The following FOXP1 variants were observed in gnomAD, a reference collection of about 807,000 sequenced individuals.
FOXP1 encodes forkhead box protein P1.
In FOXP1, 15 loss-of-function variants were observed where a neutral mutation model predicts 98.2. The observed-to-expected ratio is 0.15, with a 90% CI of 0.10 to 0.24. FOXP1 has a LOEUF of 0.24. FOXP1 is among the 10% of genes least tolerant of loss of function. The pLI is 1.00. For synonymous variants in FOXP1, 371 were observed against 314.5 expected, an observed-to-expected ratio of 1.18 and a Z score of -1.90; for missense variants, 633 against 848.5, an observed-to-expected ratio of 0.75 and a Z score of 3.15.
At chr3:71,302,223 C>A (rs2073905450) in intron 4 of FOXP1, among the ~76,000 whole-genome samples, 1 of 152,038 alleles carries the variant, frequency 6.6e-6, no homozygotes, top group Non-Finnish European at 1.5e-5. Flanking sequence ...CAGCTGTTTG[C>A]CATCATGCTA....
Position 71,123,635 on chromosome 3 carries a change from C to T in FOXP1, c.181-10998G>A, listed in dbSNP as rs568050088. On this transcript the variant is annotated intron_variant, in intron 6 of 20. Coordinates refer to ENST00000649528, the MANE Select transcript of FOXP1 (RefSeq NM_001349338.3). ...AATGCCTCTGGACACCTGTATCTTA[C>T]ACTTCACCTCCATCTAAGTGAGATC... Among the ~76,000 whole-genome samples, 183 of 152,342 alleles carry T rather than the reference C, an allele frequency of 1.2e-3. 4 individuals are homozygous for T. The South Asian group carries it at 0.037, about 31-fold the overall frequency.
chr3:71,392,474 C>G (rs959643452), intron 3 of FOXP1, among the ~76,000 whole-genome samples: 1 of 152,138 alleles, frequency 6.6e-6, no homozygotes, highest in African/African-American at 2.4e-5. Context: ...AAACTTAAGT[C>G]AAGCTAAATT....
intron 12 of FOXP1, among the ~76,000 whole-genome samples, chr3:71,013,956 G>T (rs1365748298): frequency 1.3e-5 from 2 of 152,282 alleles, no homozygotes; most frequent in Non-Finnish European, 2.9e-5. Context: ...TATGGAGAAA[G>T]CTGAAACTGG....
intron 3 of FOXP1, among the ~76,000 whole-genome samples, chr3:71,401,886 T>C (rs1166725358): frequency 6.6e-6 from 1 of 152,216 alleles, no homozygotes; most frequent in African/African-American, 2.4e-5. Flanking sequence ...CGTTACTTCC[T>C]CCCTGGAGCA....
chr3:71,397,047 T>TAC (rs34191747), intron 3 of FOXP1, among the ~76,000 whole-genome samples: 2 of 43,182 alleles, frequency 4.6e-5, no homozygotes, highest in African/African-American at 1.7e-4. Flanking sequence ...TATATATATA[T>TAC]ACACATATAT....
At chr3:71,348,553 G>GCACA (rs767123935) in intron 4 of FOXP1, among the ~76,000 whole-genome samples, 7 of 130,638 alleles carry the variant, frequency 5.4e-5, no homozygotes, top group Admixed American at 2.2e-4. Flanking sequence ...GTGTGTGCGT[G>GCACA]CGCGCGCGCA....
At chr3:71,333,575 C>T (rs190889973) in intron 4 of FOXP1, 2 of 152,326 alleles carry the variant, frequency 1.3e-5, no homozygotes, top group Admixed American at 1.3e-4. Flanking sequence ...GTAATCCCAG[C>T]ACTTTGGGAG....
chr3:71,258,370 G>A (rs2068813777), intron 5 of FOXP1, among the ~76,000 whole-genome samples: 1 of 152,206 alleles, frequency 6.6e-6, no homozygotes, highest in Non-Finnish European at 1.5e-5. Context: ...GAAGGAAGCA[G>A]TAACAGGAGC....
intron 4 of FOXP1, among the ~76,000 whole-genome samples, chr3:71,347,603 C>T (rs1291035128): frequency 2.0e-5 from 3 of 152,058 alleles, no homozygotes; most frequent in Admixed American, 6.6e-5. Context: ...AGAACAGAGT[C>T]GGCTGGGGGA....
chr3:71,086,199 G>A (rs184064063), intron 7 of FOXP1, among the ~76,000 whole-genome samples: 4 of 152,222 alleles, frequency 2.6e-5, no homozygotes, highest in Admixed American at 2.0e-4. Flanking sequence ...CATCACAACT[G>A]TATTCTTTGT....
intron 3 of FOXP1, among the ~76,000 whole-genome samples, chr3:71,483,676 A>G (rs903226526): frequency 6.6e-6 from 1 of 152,226 alleles, no homozygotes; most frequent in Non-Finnish European, 1.5e-5. Context: ...AAAGGTAAAT[A>G]GTTGTAACAG....
chr3:71,320,078 G>A (rs374200253), intron 4 of FOXP1, among the ~76,000 whole-genome samples: 14 of 151,994 alleles, frequency 9.2e-5, no homozygotes, highest in South Asian at 2.1e-4. Flanking sequence ...ACCTACCCAC[G>A]GGGAAGACAA....
intron 7 of FOXP1, among the ~76,000 whole-genome samples, chr3:71,110,543 G>A (rs1010304422): frequency 6.6e-6 from 1 of 152,162 alleles, no homozygotes; most frequent in Non-Finnish European, 1.5e-5. Flanking sequence ...CTGAGTGACA[G>A]GCTGGGCTAG....
chr3:71,316,994 G>A (rs7627177), intron 4 of FOXP1, among the ~76,000 whole-genome samples: 24,119 of 152,002 alleles, frequency 0.16, 2,048 homozygotes, highest in Non-Finnish European at 0.19. Flanking sequence ...TCTGAAAACT[G>A]GAAAGAAATA....
At chr3:71,088,879 T>C (rs950470565) in intron 7 of FOXP1, among the ~76,000 whole-genome samples, 2 of 152,200 alleles carry the variant, frequency 1.3e-5, no homozygotes, top group African/African-American at 4.8e-5. Flanking sequence ...CTTTTGTCAA[T>C]CTCTCTTTCT....
chr3:71,412,167 G>A (rs1242550308), intron 3 of FOXP1, among the ~76,000 whole-genome samples: 2 of 152,186 alleles, frequency 1.3e-5, no homozygotes, highest in Non-Finnish European at 2.9e-5. Context: ...AAGAGGGACA[G>A]GTCGCATGGT....
chr3:71,321,342 C>G (rs1353567843), intron 4 of FOXP1, among the ~76,000 whole-genome samples: 2 of 152,124 alleles, frequency 1.3e-5, no homozygotes, highest in Non-Finnish European at 2.9e-5. Context: ...CCAGTGACCT[C>G]TAACCCTTGG....
At chr3:71,551,118 A>G (rs1205925411) in intron 2 of FOXP1, among the ~76,000 whole-genome samples, 1 of 152,238 alleles carries the variant, frequency 6.6e-6, no homozygotes, top group Non-Finnish European at 1.5e-5. Flanking sequence ...AATGCCTGGA[A>G]TGGATAGCTT....
intron 7 of FOXP1, among the ~76,000 whole-genome samples, chr3:71,110,466 C>T (rs2057823240): frequency 6.6e-6 from 1 of 151,944 alleles, no homozygotes; most frequent in South Asian, 2.1e-4. Context: ...CAAGAGGACT[C>T]GGGGTATTTT....
Sources: gnomAD v4.1 joint callset for allele counts (sites outside exome capture counted in the v4.1 genomes callset) on GRCh38, gnomAD v4.1.1 for gene constraint, MANE v1.5 for transcripts, NCBI Gene and HGNC (gene_info 2026-07-23, HGNC 2026-07-21) for gene names.